Variants in RNF167 observed in about 807,000 individuals in gnomAD.
RNF167 encodes E3 ubiquitin-protein ligase RNF167.
In RNF167, 19 loss-of-function variants were observed where a neutral mutation model predicts 34.8. The ratio of observed to expected loss-of-function variants is 0.55; its 90% CI spans 0.38 to 0.80. The LOEUF (loss-of-function observed/expected upper bound fraction) is 0.80. RNF167 is among the 30% of genes least tolerant of loss of function. The pLI is 0.00. For synonymous variants in RNF167, 200 were observed against 170.4 expected (o/e 1.17, Z -1.35); for missense variants, 464 against 447.0 (o/e 1.04, Z -0.34).
chr17:4,941,259 T>A, intron 3 of RNF167, 102 bp downstream of exon 3: 1 of 1,068,078 alleles, frequency 9.4e-7, no homozygotes, highest in Non-Finnish European at 1.4e-6. Flanking sequence ...TAGGCTGGGG[T>A]TGGGGAGGTT....
At chr17:4,944,439 C>G (rs1368280200) in intron 8 of RNF167, 119 bp from the exon 9 acceptor site, 10 of 1,472,392 alleles carry the variant, frequency 6.8e-6, no homozygotes, top group East Asian at 2.4e-5. Context: ...TCCTGCCTAC[C>G]TGTCTTATCT....
chr17:4,944,859 C>A lies in RNF167; in HGVS notation c.896C>A (p.Pro299Gln). 6.2e-7 allele frequency: 1 copy of A among 1,613,846 alleles called. No individual in the cohort carries two copies. The highest frequency in any genetic ancestry group is 2.2e-5 in the East Asian group (1 of 44,878). The change falls in exon 10 of 10, where the codon CCA becomes CAA. Residue 299 changes from proline to glutamine, a missense_variant. Physicochemically the swap from Pro to Gln is moderately conservative, Grantham distance 76. Transcript: ENST00000262482. ...QGQEEGDEGE[P>Q]RDHPASERTP... is the part of the protein sequence containing the mutation. Reference sequence around the variant, plus strand: ...CAAGAGGAGGGTGATGAAGGGGAGCCAAGGGACCACCCTGCCTCAGAAAGG... The same window carrying A: ...CAAGAGGAGGGTGATGAAGGGGAGCAAAGGGACCACCCTGCCTCAGAAAGG...
Position 4,942,889 on chromosome 17 carries a change from AT to A in RNF167, c.420del (p.Ile140MetfsTer52). On this transcript the variant is annotated frameshift_variant, in exon 6 of 10. Coordinates refer to ENST00000262482, the MANE Select transcript of RNF167 (RefSeq NM_015528.3). LOFTEE classifies it high-confidence loss of function. ...QQQIWIPSVF[I>X]GERSSEYLRA... ...GCAGATCTGGATCCCGTCTGTATTT[AT>A]TGGGGAGAGAAGCTCCGAGTACCTG... 1 of 1,614,162 alleles carries A rather than the reference AT, an allele frequency of 6.2e-7. No individual in the cohort carries two copies.
At chr17:4,944,130 T>G (rs1971128936) in intron 8 of RNF167, among the ~76,000 whole-genome samples, 1 of 152,184 alleles carries the variant, frequency 6.6e-6, no homozygotes, top group Non-Finnish European at 1.5e-5. Context: ...GAAATAATTG[T>G]GGGAAACAAT....
chr17:4,941,525 A>G (rs981905988), intron 3 of RNF167, among the ~76,000 whole-genome samples: 5 of 152,280 alleles, frequency 3.3e-5, no homozygotes, highest in Admixed American at 3.3e-4. Flanking sequence ...GTAAAATGGG[A>G]TATTAGAAGT....
Position 4,944,735 on chromosome 17 carries a change from G to A in RNF167, c.772G>A (p.Asp258Asn). 6.2e-7 allele frequency: 1 copy of A among 1,613,956 alleles called. No individual in the cohort carries two copies. The highest frequency in any genetic ancestry group is 2.2e-5 in the East Asian group (1 of 44,860). Residue 258 changes from aspartate to asparagine, a missense_variant, in exon 10 of 10, where the codon GAC becomes AAC. Physicochemically the swap from Asp to Asn is conservative, Grantham distance 23 (BLOSUM62 1). Coordinates refer to ENST00000262482, the MANE Select transcript of RNF167 (RefSeq NM_015528.3). ...TGCAGCCTACCACAGCCGCTGCGTG[G>A]ACCCCTGGCTCACTCAGACCCGGAA... ...CAHAYHSRCV[D>N]PWLTQTRKTC...
At position 4,944,751 on chromosome 17, in the gene RNF167, A is replaced by T. The variant is rs1395570486; in HGVS notation, c.788A>T (p.Gln263Leu). The T allele has an allele frequency of 6.2e-7, 1 of 1,613,426 alleles. No individual in the cohort carries two copies. The highest frequency in any genetic ancestry group is 2.2e-5 in the East Asian group (1 of 44,870). The change falls in exon 10 of 10, where the codon CAG (glutamine) becomes CTG (leucine). Residue 263 changes from glutamine (Q) to leucine (L), a missense_variant. Transcript: ENST00000262482. The part of the protein sequence containing the change: ...HSRCVDPWLT[Q>L]TRKTCPICKQ... Reference sequence around the variant, plus strand: ...CGCTGCGTGGACCCCTGGCTCACTCAGACCCGGAAGACCTGCCCCATTTGC... The same window carrying T: ...CGCTGCGTGGACCCCTGGCTCACTCTGACCCGGAAGACCTGCCCCATTTGC...
rs762640341 is a variant in RNF167 at position 4,942,882 on chromosome 17, T to C, written c.411T>C (p.Ser137=). 1 of 1,614,106 alleles carries C rather than the reference T, an allele frequency of 6.2e-7. No individual in the cohort carries two copies. The highest frequency in any genetic ancestry group is 8.5e-7 in the Non-Finnish European group (1 of 1,180,044). The change falls in exon 6 of 10, where the codon TCT becomes TCC. Residue 137 remains serine (S), a synonymous_variant. Transcript: ENST00000262482. ...EEIQQQIWIP[S]VFIGERSSEY... ...TCCAGCAGCAGATCTGGATCCCGTC[T>C]GTATTTATTGGGGAGAGAAGCTCCG...
At chr17:4,942,288 A>G in intron 3 of RNF167, 53 bp from the exon 4 acceptor site, 1 of 1,599,396 alleles carries the variant, frequency 6.3e-7, no homozygotes, top group Non-Finnish European at 8.5e-7. Context: ...GCCCCTGTAG[A>G]GAGCAGAATC....
chr17:4,944,574 CTG>C lies in RNF167; in HGVS notation c.690_691del (p.Ala231HisfsTer5). 1 of 1,605,274 alleles carries C rather than the reference CTG, an allele frequency of 6.2e-7. No homozygotes were observed. The highest frequency in any genetic ancestry group is 8.5e-7 in the Non-Finnish European group (1 of 1,175,530). On this transcript the variant is annotated frameshift_variant, in exon 9 of 10. Transcript: ENST00000262482. LOFTEE classifies it high-confidence loss of function. ...DYQKGDQYDV[C>X]AICLDEYEDG... is the part of the protein sequence containing the mutation. ...CTGTCCCAGGAGACCAGTATGATGT[CTG>C]TGCCATTTGCCTGGATGAATATGAG...
At chr17:4,942,821 G>C in intron 5 of RNF167, 30 bp from the exon 6 acceptor site, 1 of 1,607,796 alleles carries the variant, frequency 6.2e-7, no homozygotes, top group Non-Finnish European at 8.5e-7. Flanking sequence ...AAGGTTGTGA[G>C]TCCCCAGAGT....
At position 4,940,602 on chromosome 17, in the gene RNF167, T is replaced by G; in HGVS notation, c.-308T>G. On this transcript the variant is annotated 5_prime_UTR_variant, in exon 2 of 10. Coordinates refer to ENST00000262482, the MANE Select transcript of RNF167 (RefSeq NM_015528.3). ...CCACCTAGCAGGAAGTCCCACCTCCTTGAGCTCCGCCACCCTTCCCGAAGT... is the reference window on the plus strand; with the variant it reads ...CCACCTAGCAGGAAGTCCCACCTCCGTGAGCTCCGCCACCCTTCCCGAAGT... 1 of 312,660 alleles carries G rather than the reference T, an allele frequency of 3.2e-6. No homozygotes were observed. Among genetic ancestry groups the G allele is most frequent in the Non-Finnish European group, 5.9e-6 (1 of 170,742 alleles). 19.4% of individuals were successfully genotyped at this position (312,660 alleles called of 1,614,324 possible).
rs371619498 is a variant in RNF167 at position 4,945,063 on chromosome 17, C to A, written c.*47C>A. On this transcript the variant is annotated 3_prime_UTR_variant, in exon 10 of 10. Transcript: ENST00000262482. ...CTGGTGACCTATTTGCACAGACCGT[C>A]GTCTTCCCTCCAGTCTTCTGAGGGA... is the stretch of plus-strand genomic sequence containing the variant. The A allele has an allele frequency of 2.1e-6, 3 of 1,448,038 alleles. No homozygotes were observed. Among genetic ancestry groups the A allele is most frequent in the Non-Finnish European group, 1.9e-6 (2 of 1,077,994 alleles). The allele number at this position is 1,448,038 out of a possible 1,614,324, so 89.7% of individuals were successfully genotyped here. A position where few individuals can be genotyped will look rare whatever the true frequency, so the allele number is the denominator to read the frequency against.
At chr17:4,942,487 A>G in intron 4 of RNF167, 21 bp downstream of exon 4, 1 of 1,613,486 alleles carries the variant, frequency 6.2e-7, no homozygotes. Flanking sequence ...GAGGAAGGGG[A>G]GCTGGGCAGC....
chr17:4,942,419 G>A lies in RNF167; in HGVS notation c.244G>A (p.Val82Ile), dbSNP rs1373313277. 2 of 1,614,058 alleles carry A rather than the reference G, an allele frequency of 1.2e-6. No homozygotes were observed. Among genetic ancestry groups the A allele is most frequent in the East Asian group, 2.2e-5 (1 of 44,890 alleles). ...PPPPAPVNGS[V>I]FIALLRRFDC... The stretch of plus-strand genomic sequence containing the variant: ...ACCCCCAGCCCCGGTCAATGGGTCA[G>A]TCTTTATTGCGCTGCTTCGAAGATT... Residue 82 changes from valine (V) to isoleucine (I), a missense_variant, in exon 4 of 10, where the codon GTC (valine) becomes ATC (isoleucine). By Grantham distance (29) the Val-to-Ile change is conservative (BLOSUM62 3). Transcript: ENST00000262482.
intron 8 of RNF167, 66 bp downstream of exon 8, chr17:4,943,585 C>G: frequency 2.3e-6 from 3 of 1,298,216 alleles, no homozygotes; most frequent in Non-Finnish European, 3.3e-6. Context: ...ACTTTGAGCC[C>G]AGAAGATAGG....
At position 4,942,961 on chromosome 17, in the gene RNF167, C is replaced by G. The variant is rs1230516503; in HGVS notation, c.470+20C>G. The G allele has an allele frequency of 6.2e-7, 1 of 1,608,710 alleles. No individual in the cohort carries two copies. The highest frequency in any genetic ancestry group is 1.1e-5 in the South Asian group (1 of 90,982). On this transcript the variant is annotated intron_variant, in intron 6 of 9. Transcript: ENST00000262482. The stretch of plus-strand genomic sequence containing the variant: ...GAAGGGGTAGGACATGTGCCTCCTT[C>G]CCATTCTTCCTTCAGCAAGCAGTTC...
Position 4,944,566 on chromosome 17 carries a change from T to A in RNF167, c.679T>A (p.Tyr227Asn), listed in dbSNP as rs1438590311. The A allele has an allele frequency of 6.2e-7, 1 of 1,600,978 alleles. No individual in the cohort carries two copies. Among genetic ancestry groups the A allele is most frequent in the South Asian group, 1.1e-5 (1 of 89,340 alleles). Residue 227 changes from tyrosine (Y) to asparagine (N), a missense_variant, in exon 9 of 10, where the codon TAT becomes AAT. Tyr to Asn is a moderately radical substitution (Grantham distance 143, BLOSUM62 -2). Transcript: ENST00000262482. ...TTTTCTTTCTGTCCCAGGAGACCAGTATGATGTCTGTGCCATTTGCCTGGA... is the reference window on the plus strand; with the variant it reads ...TTTTCTTTCTGTCCCAGGAGACCAGAATGATGTCTGTGCCATTTGCCTGGA... ...PTHDYQKGDQ[Y>N]DVCAICLDEY...
chr17:4,941,720 C>A (rs1245223242), intron 3 of RNF167, among the ~76,000 whole-genome samples: 1 of 152,064 alleles, frequency 6.6e-6, no homozygotes, highest in African/African-American at 2.4e-5. Flanking sequence ...AGTTCAAGAC[C>A]AGCCTGGCCA....
Sources: gnomAD v4.1 joint callset for allele counts (sites outside exome capture counted in the v4.1 genomes callset) on GRCh38, gnomAD v4.1.1 for gene constraint, MANE v1.5 for transcripts, NCBI Gene and HGNC (gene_info 2026-07-23, HGNC 2026-07-21) for gene names.